The following PRDM5 variants were observed in gnomAD, a reference collection of about 807,000 sequenced individuals.
The protein encoded by PRDM5 is PR/SET domain 5, also known as PR domain zinc finger protein 5.
A neutral mutation model predicts 81.2 loss-of-function variants in PRDM5; 56 were observed. That is an observed-to-expected ratio of 0.69 (90% CI 0.56 to 0.86). PRDM5 has a LOEUF of 0.86. Ranked by LOEUF, PRDM5 falls within the 40% of genes least tolerant of loss-of-function variation. The pLI is 0.00. For synonymous variants in PRDM5, 267 were observed against 256.4 expected (o/e 1.04, Z -0.39); for missense variants, 697 against 770.1 (o/e 0.91, Z 1.12).
At chr4:120,722,080 G>A (rs964095666) in intron 14 of PRDM5, among the ~76,000 whole-genome samples, 1 of 152,180 alleles carries the variant, frequency 6.6e-6, no homozygotes, top group African/African-American at 2.4e-5. Context: ...AGCCGGCTAC[G>A]CAGATGTGTA....
intron 13 of PRDM5, among the ~76,000 whole-genome samples, chr4:120,758,970 T>C (rs1454121216): frequency 1.3e-5 from 2 of 152,050 alleles, no homozygotes; most frequent in Non-Finnish European, 2.9e-5. Flanking sequence ...TTAGCCAGGA[T>C]GGTCTTGATC....
At chr4:120,687,868 C>T (rs1372435321), downstream of PRDM5, among the ~76,000 whole-genome samples, 1 of 152,108 alleles carries the variant, frequency 6.6e-6, no homozygotes, top group Non-Finnish European at 1.5e-5. Context: ...AACATCCTTG[C>T]CAGTGCTTGC....
At chr4:120,851,643 T>C (rs1759290460) in intron 3 of PRDM5, among the ~76,000 whole-genome samples, 1 of 152,130 alleles carries the variant, frequency 6.6e-6, no homozygotes, top group African/African-American at 2.4e-5. Context: ...GTAGTCACAT[T>C]GATTATCTAA....
chr4:120,853,161 G>A (rs192654358), intron 3 of PRDM5, among the ~76,000 whole-genome samples: 6 of 152,076 alleles, frequency 3.9e-5, no homozygotes, highest in African/African-American at 7.2e-5. Context: ...ACCTGAAAGC[G>A]AGATCTGCCA....
At chr4:120,820,414 A>T (rs1395216923) in intron 4 of PRDM5, among the ~76,000 whole-genome samples, 1 of 152,270 alleles carries the variant, frequency 6.6e-6, no homozygotes, top group Non-Finnish European at 1.5e-5. Context: ...GCCTGAAAGG[A>T]TAAAGACGAG....
intron 15 of PRDM5, among the ~76,000 whole-genome samples, chr4:120,704,221 T>C (rs1735784498): frequency 6.6e-6 from 1 of 152,162 alleles, no homozygotes; most frequent in Non-Finnish European, 1.5e-5. Context: ...GAGTACCTGA[T>C]GTCACAGTTG....
intron 14 of PRDM5, among the ~76,000 whole-genome samples, chr4:120,718,434 C>T (rs935223071): frequency 3.3e-5 from 5 of 152,086 alleles, no homozygotes; most frequent in African/African-American, 1.2e-4. Flanking sequence ...TTAAAACTCA[C>T]AAAAATGACA....
chr4:120,840,748 C>T (rs1022978378), intron 3 of PRDM5, among the ~76,000 whole-genome samples: 24 of 152,336 alleles, frequency 1.6e-4, no homozygotes, highest in Admixed American at 3.9e-4. Context: ...CGACCCAGCC[C>T]GGACACATCA....
chr4:120,757,508 T>C (rs1030810582), intron 13 of PRDM5, among the ~76,000 whole-genome samples: 3 of 149,916 alleles, frequency 2.0e-5, no homozygotes, highest in African/African-American at 2.4e-5. Flanking sequence ...TTAAGGGATG[T>C]GGCCAGGTAG....
intron 2 of PRDM5, among the ~76,000 whole-genome samples, chr4:120,864,227 T>A (rs566718369): frequency 1.3e-5 from 2 of 152,294 alleles, no homozygotes; most frequent in South Asian, 4.1e-4. Context: ...AAGGACTAAA[T>A]ATACTATGAC....
At position 120,882,817 on chromosome 4, in the gene PRDM5, T is replaced by C. The variant is rs145919505; in HGVS notation, c.177+24657A>G. Among the ~76,000 whole-genome samples the C allele has an allele frequency of 9.8e-5, 15 of 152,348 alleles. No homozygotes were observed. In the East Asian group the frequency reaches 2.7e-3, roughly 27 times the overall value. ...CATTGACAATTAAATCAGTGATAGA[T>C]ATAATTTTCAAAACAACGTACGTGC... On this transcript the variant is annotated intron_variant, in intron 2 of 15. Transcript: ENST00000264808.
At chr4:120,767,041 A>G (rs553300321) in intron 13 of PRDM5, among the ~76,000 whole-genome samples, 47 of 152,320 alleles carry the variant, frequency 3.1e-4, no homozygotes, top group African/African-American at 1.1e-3. Flanking sequence ...GAGCGGAACG[A>G]AGGGGAAGCA....
intron 14 of PRDM5, among the ~76,000 whole-genome samples, chr4:120,741,020 CCTT>C (rs1177851798): frequency 6.6e-6 from 1 of 152,134 alleles, no homozygotes; most frequent in Non-Finnish European, 1.5e-5. Context: ...CTACCATACT[CCTT>C]CAAACACAAC....
At chr4:120,883,379 CTTATTT>C (rs1561596474) in intron 2 of PRDM5, among the ~76,000 whole-genome samples, 2 of 152,054 alleles carry the variant, frequency 1.3e-5, no homozygotes, top group African/African-American at 4.8e-5. Flanking sequence ...TAATGCAACT[CTTATTT>C]TTATTTATGC....
intron 14 of PRDM5, among the ~76,000 whole-genome samples, chr4:120,730,621 A>G (rs1405307090): frequency 6.6e-6 from 1 of 152,204 alleles, no homozygotes; most frequent in Admixed American, 6.5e-5. Context: ...TAATGGCCTC[A>G]TTTCTTTTAA....
At chr4:120,896,204 T>C (rs939492408) in intron 2 of PRDM5, 1 of 152,106 alleles carries the variant, frequency 6.6e-6, no homozygotes, top group Non-Finnish European at 1.5e-5. Context: ...GCCTGAGATT[T>C]TTCATGCTTC....
intron 14 of PRDM5, among the ~76,000 whole-genome samples, chr4:120,722,181 C>T (rs1417227488): frequency 6.6e-6 from 1 of 152,168 alleles, no homozygotes; most frequent in East Asian, 1.9e-4. Flanking sequence ...CATCTTTCAC[C>T]TGCCTACGAT....
At chr4:120,838,869 G>C in intron 3 of PRDM5, 1 of 241,384 alleles carries the variant, frequency 4.1e-6, no homozygotes, top group Non-Finnish European at 8.2e-6. Context: ...CACCTGCCAA[G>C]GGAGACTGCA....
chr4:120,727,747 C>A (rs978169384), intron 14 of PRDM5, among the ~76,000 whole-genome samples: 3 of 151,938 alleles, frequency 2.0e-5, no homozygotes, highest in African/African-American at 7.3e-5. Context: ...ACTAGCCTGG[C>A]CAACACGGTG....
Sources: gnomAD v4.1 joint callset for allele counts (sites outside exome capture counted in the v4.1 genomes callset) on GRCh38, gnomAD v4.1.1 for gene constraint, MANE v1.5 for transcripts, NCBI Gene and HGNC (gene_info 2026-07-23, HGNC 2026-07-21) for gene names.